Variants in ANXA10 observed in about 807,000 individuals in gnomAD.
ANXA10 encodes the protein annexin A10, also known as annexin 14.
In ANXA10, 49 loss-of-function variants were observed where a neutral mutation model predicts 53.5. The ratio of observed to expected loss-of-function variants is 0.92; its 90% CI spans 0.73 to 1.16. The LOEUF is 1.16. ANXA10 is among the 50% of genes most tolerant of loss of function. The probability of loss-of-function intolerance (pLI) is 0.00; values close to 1 mark genes in which losing one functional copy is unlikely to be tolerated. For missense variants in ANXA10, 393 were observed against 394.4 expected (o/e 1.00, Z 0.03); for synonymous variants, 131 against 128.9 (o/e 1.02, Z -0.11).
chr4:168,098,120 TAA>T (rs397793907), intron 1 of ANXA10, among the ~76,000 whole-genome samples: 6 of 144,858 alleles, frequency 4.1e-5, no homozygotes, highest in Admixed American at 6.9e-5. Context: ...TCTTGAAATT[TAA>T]AAAAAAAAAA....
chr4:168,132,778 A>G (rs1369836262), intron 2 of ANXA10, among the ~76,000 whole-genome samples: 1 of 152,134 alleles, frequency 6.6e-6, no homozygotes. Context: ...AAAAATTAAA[A>G]GTAAAAAATT....
chr4:168,125,608 A>G (rs960680290), intron 1 of ANXA10, among the ~76,000 whole-genome samples: 2 of 152,190 alleles, frequency 1.3e-5, no homozygotes, highest in Non-Finnish European at 2.9e-5. Flanking sequence ...TGATCCATAT[A>G]TTGATGTACC....
chr4:168,161,770 G>A (rs931817565), intron 3 of ANXA10, among the ~76,000 whole-genome samples: 3 of 151,982 alleles, frequency 2.0e-5, no homozygotes, highest in Admixed American at 2.0e-4. Context: ...CCTTGAAGAG[G>A]TCCTTCAATT....
chr4:168,101,598 C>T (rs1730640639), intron 1 of ANXA10, among the ~76,000 whole-genome samples: 1 of 151,782 alleles, frequency 6.6e-6, no homozygotes, highest in Non-Finnish European at 1.5e-5. Flanking sequence ...TAGAATTAAC[C>T]ACTTCTCCAA....
chr4:168,153,070 C>T (rs1440773094), intron 3 of ANXA10, among the ~76,000 whole-genome samples: 1 of 151,984 alleles, frequency 6.6e-6, no homozygotes, highest in African/African-American at 2.4e-5. Context: ...TCTTGAACTC[C>T]TGGACTCAAG....
At chr4:168,115,772 G>T (rs1290531158) in intron 1 of ANXA10, among the ~76,000 whole-genome samples, 1 of 152,158 alleles carries the variant, frequency 6.6e-6, no homozygotes, top group East Asian at 1.9e-4. Context: ...TACCTGTGTG[G>T]CTTTAAACAA....
At chr4:168,181,591 G>A in intron 9 of ANXA10, 92 bp from the exon 10 acceptor site, 1 of 1,028,784 alleles carries the variant, frequency 9.7e-7, no homozygotes, top group Middle Eastern at 2.0e-4. Flanking sequence ...TGTAAGAATT[G>A]TAACAGGAAA....
At chr4:168,093,966 T>C (rs563198902) in intron 1 of ANXA10, among the ~76,000 whole-genome samples, 53 of 152,254 alleles carry the variant, frequency 3.5e-4, no homozygotes, top group African/African-American at 1.2e-3. Flanking sequence ...GTGGTTATAT[T>C]TCACTACAGA....
intron 8 of ANXA10, 112 bp from the exon 9 acceptor site, chr4:168,179,105 T>A: frequency 1.5e-6 from 1 of 664,668 alleles, no homozygotes; most frequent in Non-Finnish European, 2.6e-6. Context: ...TTGATAACAG[T>A]AGTACTTTTA....
chr4:168,183,175 T>G (rs10032369), intron 10 of ANXA10, among the ~76,000 whole-genome samples: 2,068 of 152,306 alleles, frequency 0.014, 53 homozygotes, highest in African/African-American at 0.046. Flanking sequence ...TTAACAGATA[T>G]ACTTCTTAAA....
chr4:168,161,911 C>T (rs1422849729), intron 3 of ANXA10, among the ~76,000 whole-genome samples: 1 of 151,984 alleles, frequency 6.6e-6, no homozygotes, highest in Non-Finnish European at 1.5e-5. Context: ...TTTTTAATTC[C>T]ACTTTACATT....
At chr4:168,133,135 T>C (rs1731180521) in intron 2 of ANXA10, among the ~76,000 whole-genome samples, 1 of 152,100 alleles carries the variant, frequency 6.6e-6, no homozygotes, top group African/African-American at 2.4e-5. Flanking sequence ...TGCTTGGTGA[T>C]TGTGCTGTTT....
chr4:168,179,376 T>G lies in ANXA10; in HGVS notation c.724+64T>G, dbSNP rs1732195871. ...TTTCTCTATAAATGCTGAGTGGCTC[T>G]GATTGAACTAAAGATGCATGAGTAA... On this transcript the variant is annotated intron_variant, in intron 9 of 11. Coordinates refer to ENST00000359299, the MANE Select transcript of ANXA10 (RefSeq NM_007193.5). The G allele has an allele frequency of 8.7e-6, 10 of 1,147,238 alleles. No individual in the cohort carries two copies. In the South Asian group the frequency reaches 1.2e-4, roughly 14 times the overall value. 71.1% of individuals were successfully genotyped at this position (1,147,238 alleles called of 1,614,324 possible).
At position 168,187,546 on chromosome 4, in the gene ANXA10, A is replaced by T. The variant is rs1349228032; in HGVS notation, c.*112A>T. 3.4e-6 allele frequency: 2 copies of T among 580,518 alleles called. No individual in the cohort carries two copies. The highest frequency in any genetic ancestry group is 5.6e-6 in the Non-Finnish European group (2 of 355,014). 36.0% of individuals were successfully genotyped at this position (580,518 alleles called of 1,614,324 possible). A position where few individuals can be genotyped will look rare whatever the true frequency, so the allele number is the denominator to read the frequency against. ...ACTATTAACAAAACTATACAATCATATTTTCTCTTCTATCTTTGAAATTAT... is the reference window on the plus strand; with the variant it reads ...ACTATTAACAAAACTATACAATCATTTTTTCTCTTCTATCTTTGAAATTAT... On this transcript the variant is annotated 3_prime_UTR_variant, in exon 12 of 12. Transcript: ENST00000359299.
chr4:168,187,450 G>GAGT lies in ANXA10; in HGVS notation c.*18_*20dup. On this transcript the variant is annotated 3_prime_UTR_variant, in exon 12 of 12. Transcript: ENST00000359299. Reference sequence around the variant, plus strand: ...GGACTACTAAAATGAAGAGGACTTGGAGTACTGTGCACTCCTCTTTCTAGA... The same window carrying GAGT: ...GGACTACTAAAATGAAGAGGACTTGGAGTAGTACTGTGCACTCCTCTTTCTAGA... 6.4e-7 allele frequency: 1 copy of GAGT among 1,558,600 alleles called. No individual in the cohort carries two copies. The highest frequency in any genetic ancestry group is 8.7e-7 in the Non-Finnish European group (1 of 1,144,650).
chr4:168,158,918 T>G (rs1315589247), intron 3 of ANXA10, among the ~76,000 whole-genome samples: 1 of 152,048 alleles, frequency 6.6e-6, no homozygotes, highest in Admixed American at 6.6e-5. Context: ...TTTCCATGAG[T>G]AATATGTTCC....
At chr4:168,146,606 T>C (rs1393106846) in intron 3 of ANXA10, among the ~76,000 whole-genome samples, 2 of 152,206 alleles carry the variant, frequency 1.3e-5, no homozygotes, top group South Asian at 2.1e-4. Flanking sequence ...AGTCTGATGA[T>C]GAATACAGGT....
chr4:168,178,493 A>C (rs1732177062), intron 8 of ANXA10, among the ~76,000 whole-genome samples: 1 of 152,156 alleles, frequency 6.6e-6, no homozygotes, highest in Non-Finnish European at 1.5e-5. Flanking sequence ...TTCTATATAA[A>C]GTACGCAAAT....
chr4:168,130,066 C>G (rs2149470167), intron 2 of ANXA10, among the ~76,000 whole-genome samples: 1 of 152,232 alleles, frequency 6.6e-6, no homozygotes, highest in African/African-American at 2.4e-5. Context: ...CAGCTTGTTC[C>G]TGATCTTTCT....
Sources: gnomAD v4.1 joint callset for allele counts (sites outside exome capture counted in the v4.1 genomes callset) on GRCh38, gnomAD v4.1.1 for gene constraint, MANE v1.5 for transcripts, NCBI Gene and HGNC (gene_info 2026-07-23, HGNC 2026-07-21) for gene names.